Variants in RORA observed in about 807,000 individuals in gnomAD.
The protein encoded by RORA is nuclear receptor ROR-alpha.
In RORA, 7 loss-of-function variants were observed where a neutral mutation model predicts 69.5. That is an observed-to-expected ratio of 0.10 (90% CI 0.06 to 0.19). The LOEUF (loss-of-function observed/expected upper bound fraction) is 0.19, where lower values mean the gene tolerates loss of function less well. Ranked by LOEUF, RORA falls within the 10% of genes least tolerant of loss-of-function variation. The pLI is 1.00. For synonymous variants in RORA, 261 were observed against 240.8 expected, an observed-to-expected ratio of 1.08 and a Z score of -0.78; for missense variants, 457 against 663.0, an observed-to-expected ratio of 0.69 and a Z score of 3.41.
chr15:61,140,214 C>A (rs573597570), intron 1 of RORA, among the ~76,000 whole-genome samples: 1 of 152,282 alleles, frequency 6.6e-6, no homozygotes, highest in Non-Finnish European at 1.5e-5. Flanking sequence ...TGTCTTCACT[C>A]GCCTTATGTA....
chr15:60,796,716 A>G (rs1383327104), intron 1 of RORA, among the ~76,000 whole-genome samples: 4 of 152,184 alleles, frequency 2.6e-5, no homozygotes, highest in African/African-American at 9.6e-5. Context: ...AAAGTGTTCA[A>G]AGAAAAACTT....
intron 1 of RORA, among the ~76,000 whole-genome samples, chr15:60,871,169 G>C (rs559483117): frequency 1.3e-5 from 2 of 152,306 alleles, no homozygotes; most frequent in Admixed American, 6.5e-5. Flanking sequence ...AGATGGGTTG[G>C]AGATATCCAG....
intron 1 of RORA, among the ~76,000 whole-genome samples, chr15:60,989,356 A>G (rs770129047): frequency 1.8e-4 from 28 of 152,208 alleles, no homozygotes; most frequent in Non-Finnish European, 3.4e-4. Context: ...TTTTAGCTTA[A>G]TATTCTCAAA....
Position 60,992,565 on chromosome 15 carries a change from G to A in RORA, c.166+236488C>T, listed in dbSNP as rs148543152. ...GCCTAGATATAGATGGCAAGCTACC[G>A]TGGGATCACTTCCTTCTCCTCATTG... On this transcript the variant is annotated intron_variant, in intron 1 of 10. Coordinates refer to ENST00000335670, the MANE Select transcript of RORA (RefSeq NM_134261.3). 4.2e-3 allele frequency among the ~76,000 whole-genome samples: 646 copies of A among 152,262 alleles called. 8 individuals are homozygous for A. The highest frequency in any genetic ancestry group is 0.015 in the African/African-American group (615 of 41,552).
intron 1 of RORA, among the ~76,000 whole-genome samples, chr15:60,732,696 A>T (rs2140838876): frequency 6.6e-6 from 1 of 152,218 alleles, no homozygotes; most frequent in African/African-American, 2.4e-5. Context: ...ACACACGTGT[A>T]CACACACCCC....
At chr15:61,189,810 T>C (rs572712055) in intron 1 of RORA, among the ~76,000 whole-genome samples, 12 of 118,074 alleles carry the variant, frequency 1.0e-4, no homozygotes, top group South Asian at 6.0e-4. Flanking sequence ...TGAGCCGAGA[T>C]TGCACCACCG....
intron 2 of RORA, among the ~76,000 whole-genome samples, chr15:60,643,350 A>G (rs2069979544): frequency 6.6e-6 from 1 of 152,234 alleles, no homozygotes. Flanking sequence ...TTCAAAAGTT[A>G]ACCTAGAATC....
chr15:60,901,211 G>A (rs886885181), intron 1 of RORA, among the ~76,000 whole-genome samples: 8 of 151,490 alleles, frequency 5.3e-5, no homozygotes, highest in South Asian at 2.1e-4. Context: ...CACTCTTGTC[G>A]CCCAGGATGC....
intron 4 of RORA, among the ~76,000 whole-genome samples, chr15:60,512,381 G>A (rs1362549688): frequency 6.6e-6 from 1 of 152,156 alleles, no homozygotes; most frequent in Non-Finnish European, 1.5e-5. Flanking sequence ...AACCTCCTAA[G>A]GTTTGAGCGA....
chr15:61,024,353 A>G (rs1015394455), intron 1 of RORA, among the ~76,000 whole-genome samples: 1 of 137,256 alleles, frequency 7.3e-6, no homozygotes, highest in Admixed American at 8.1e-5. Context: ...GTTCAGTCAT[A>G]GTTCGGTGAG....
rs141327923 is a variant in RORA, at chr15:61,159,306, C to G, written c.166+69747G>C. Among the ~76,000 whole-genome samples the G allele has an allele frequency of 6.2e-3, 940 of 152,226 alleles. 17 individuals are homozygous for G. Among genetic ancestry groups the G allele is most frequent in the East Asian group, 0.029 (148 of 5,170 alleles). ...TTGCCTTTCCTATTTACCCATCTAC[C>G]CTTGCTGAACATCATTAAAACATTA... On this transcript the variant is annotated intron_variant, in intron 1 of 10. Coordinates refer to ENST00000335670, the MANE Select transcript of RORA (RefSeq NM_134261.3).
At chr15:61,094,169 G>T (rs570546147) in intron 1 of RORA, among the ~76,000 whole-genome samples, 4 of 152,230 alleles carry the variant, frequency 2.6e-5, no homozygotes, top group African/African-American at 9.6e-5. Context: ...CATTCCTGGG[G>T]TAACTACTCC....
At chr15:60,633,094 C>T (rs1040242210) in intron 2 of RORA, among the ~76,000 whole-genome samples, 2 of 152,172 alleles carry the variant, frequency 1.3e-5, no homozygotes, top group Non-Finnish European at 2.9e-5. Flanking sequence ...AATGGATTGC[C>T]CTCATTTTTG....
At chr15:60,964,214 T>C (rs1224974891) in intron 1 of RORA, among the ~76,000 whole-genome samples, 5 of 152,254 alleles carry the variant, frequency 3.3e-5, no homozygotes, top group Non-Finnish European at 5.9e-5. Context: ...TGAAGCCATG[T>C]TGGGGCTCTA....
chr15:61,204,779 AAG>A (rs1388757932), intron 1 of RORA, among the ~76,000 whole-genome samples: 2 of 152,360 alleles, frequency 1.3e-5, no homozygotes, highest in East Asian at 3.9e-4. Flanking sequence ...AAGTATGCGC[AAG>A]AGAGAGCGAG....
chr15:60,963,749 A>G (rs947409513), intron 1 of RORA, among the ~76,000 whole-genome samples: 2 of 152,230 alleles, frequency 1.3e-5, no homozygotes, highest in African/African-American at 2.4e-5. Context: ...CTGCTAGCAC[A>G]TTCCAGGAGA....
chr15:60,711,752 G>T (rs542133749), intron 1 of RORA, among the ~76,000 whole-genome samples: 1 of 152,162 alleles, frequency 6.6e-6, no homozygotes, highest in East Asian at 1.9e-4. Flanking sequence ...TTCTTTTGGG[G>T]AAGATGATTT....
chr15:60,592,324 G>A (rs1596027562), intron 2 of RORA: 2 of 1,212,490 alleles, frequency 1.6e-6, no homozygotes, highest in South Asian at 2.1e-5. Flanking sequence ...CCCCCTGCGC[G>A]CCCTCCTCCC....
intron 1 of RORA, among the ~76,000 whole-genome samples, chr15:60,718,453 C>T (rs995251905): frequency 2.6e-5 from 4 of 152,108 alleles, no homozygotes; most frequent in Non-Finnish European, 5.9e-5. Flanking sequence ...AATGAAAAAA[C>T]GTTAGATTTA....
Sources: gnomAD v4.1 joint callset for allele counts (sites outside exome capture counted in the v4.1 genomes callset) on GRCh38, gnomAD v4.1.1 for gene constraint, MANE v1.5 for transcripts, NCBI Gene and HGNC (gene_info 2026-07-23, HGNC 2026-07-21) for gene names.